ZC3HAV1: variants seen among roughly 807,000 people sequenced by gnomAD.
ZC3HAV1 encodes the protein zinc finger CCCH-type antiviral protein 1.
In ZC3HAV1, 41 loss-of-function variants were observed where a neutral mutation model predicts 86.6. The observed-to-expected ratio is 0.47, with a 90% CI of 0.37 to 0.61. The LOEUF is 0.61. ZC3HAV1 is among the 20% of genes least tolerant of loss of function. The probability of loss-of-function intolerance (pLI) is 0.00; values close to 1 mark genes in which losing one functional copy is unlikely to be tolerated. For missense variants in ZC3HAV1, 964 were observed against 1,141.1 expected (o/e 0.84, Z 2.24); for synonymous variants, 421 against 432.1 (o/e 0.97, Z 0.32).
At chr7:139,048,004 C>G (rs1403442109) in intron 12 of ZC3HAV1, 151 bp from the exon 13 acceptor site, 4 of 778,050 alleles carry the variant, frequency 5.1e-6, no homozygotes, top group Admixed American at 5.8e-5. Flanking sequence ...CACTTAAAAA[C>G]ATGTTAATGA....
chr7:139,061,055 G>C lies in ZC3HAV1; in HGVS notation c.2077C>G (p.Gln693Glu), dbSNP rs372154163. ...PTFVPQWYVQ[Q>E]MKRGPDHQPA... Reference sequence around the variant, plus strand: ...ACTTACTCTGGCCCTCTCTTCATCTGCTGCACATACCACTGAGGCACAAAT... The same window carrying C: ...ACTTACTCTGGCCCTCTCTTCATCTCCTGCACATACCACTGAGGCACAAAT... The change falls in exon 9 of 13, where the codon CAG (glutamine) becomes GAG (glutamate). Residue 693 changes from glutamine to glutamate, a missense_variant. Gln to Glu is a conservative substitution (Grantham distance 29). Coordinates refer to ENST00000242351, the MANE Select transcript of ZC3HAV1 (RefSeq NM_020119.4). 208 of 1,613,646 alleles carry C rather than the reference G, an allele frequency of 1.3e-4. 1 individual carries two copies. In the South Asian group the frequency reaches 2.1e-3, roughly 16 times the overall value.
intron 1 of ZC3HAV1, among the ~76,000 whole-genome samples, chr7:139,097,198 A>G (rs1817615676): frequency 6.7e-6 from 1 of 150,026 alleles, no homozygotes; most frequent in Non-Finnish European, 1.5e-5. Flanking sequence ...ATAAATGAAT[A>G]AAAATGCAGA....
At chr7:139,105,655 T>C (rs1339330269) in intron 1 of ZC3HAV1, among the ~76,000 whole-genome samples, 1 of 152,140 alleles carries the variant, frequency 6.6e-6, no homozygotes, top group Non-Finnish European at 1.5e-5. Context: ...TAAATAATAG[T>C]ACCACAGACA....
At chr7:139,082,944 T>G (rs1817167946) in intron 3 of ZC3HAV1, among the ~76,000 whole-genome samples, 1 of 152,128 alleles carries the variant, frequency 6.6e-6, no homozygotes, top group African/African-American at 2.4e-5. Context: ...CAATAATAAA[T>G]TTTCTGTATT....
At chr7:139,065,574 A>G (rs1004937215) in intron 7 of ZC3HAV1, among the ~76,000 whole-genome samples, 5 of 152,112 alleles carry the variant, frequency 3.3e-5, no homozygotes, top group African/African-American at 4.8e-5. Flanking sequence ...ACTAACTGAA[A>G]ATGCACTTGG....
At position 139,083,850 on chromosome 7, in the gene ZC3HAV1, G is replaced by A. The variant is rs764650728; in HGVS notation, c.627C>T (p.Pro209=). The change falls in exon 3 of 13, where the codon CCC becomes CCT. Residue 209 remains proline, a synonymous_variant. Transcript: ENST00000242351. ...TGTCCTGGATGTTCTGGACCACGTC[G>A]GGGTTCAGCCCGTGCTCCCTCATGA... The part of the protein sequence containing the change: ...LAIMREHGLN[P]DVVQNIQDIC... 2.7e-5 allele frequency: 43 copies of A among 1,613,972 alleles called. No homozygotes were observed. Among genetic ancestry groups the A allele is most frequent in the Admixed American group, 5.0e-5 (3 of 59,984 alleles).
intron 7 of ZC3HAV1, among the ~76,000 whole-genome samples, chr7:139,067,571 G>A (rs1816642209): frequency 6.6e-6 from 1 of 152,172 alleles, no homozygotes; most frequent in Admixed American, 6.5e-5. Flanking sequence ...AGGGCAGGTT[G>A]GGAGGGGAGT....
chr7:139,084,038 G>A lies in ZC3HAV1; in HGVS notation c.445-6C>T. The A allele has an allele frequency of 6.2e-7, 1 of 1,608,874 alleles. No homozygotes were observed. The highest frequency in any genetic ancestry group is 1.1e-5 in the South Asian group (1 of 91,012). On this transcript the variant is annotated splice_region_variant and splice_polypyrimidine_tract_variant and intron_variant, in intron 2 of 12. Coordinates refer to ENST00000242351, the MANE Select transcript of ZC3HAV1 (RefSeq NM_020119.4). Reference sequence around the variant, plus strand: ...CCCTTATAACTTTTGCATATCTACAGAAGGGAGAAACAACAGCCAGAGTCA... The same window carrying A: ...CCCTTATAACTTTTGCATATCTACAAAAGGGAGAAACAACAGCCAGAGTCA...
rs1563140696 is a variant in ZC3HAV1, at chr7:139,097,434, T to TTTTTTATTTTTTTTTA, written c.309-7676_309-7675insTAAAAAAAAATAAAAA. ...TATATATATATATATATATATTTTTTTTTTTTTTTTTTTTCTTTGAGATGG... is the reference window on the plus strand; with the variant it reads ...TATATATATATATATATATATTTTTTTTTTTATTTTTTTTTATTTTTTTTTTTTTTCTTTGAGATGG... On this transcript the variant is annotated intron_variant, in intron 1 of 12. Coordinates refer to ENST00000242351, the MANE Select transcript of ZC3HAV1 (RefSeq NM_020119.4). Among the ~76,000 whole-genome samples, 54 of 105,734 alleles carry TTTTTTATTTTTTTTTA rather than the reference T, an allele frequency of 5.1e-4. 1 individual carries two copies. Among genetic ancestry groups the TTTTTTATTTTTTTTTA allele is most frequent in the African/African-American group, 2.3e-3 (50 of 22,032 alleles). 69.4% of individuals were successfully genotyped at this position (105,734 alleles called of 152,430 possible). A position where few individuals can be genotyped will look rare whatever the true frequency, so the allele number is the denominator to read the frequency against.
intron 1 of ZC3HAV1, among the ~76,000 whole-genome samples, chr7:139,101,736 G>A (rs1437215824): frequency 6.6e-6 from 1 of 151,248 alleles, no homozygotes; most frequent in Admixed American, 6.6e-5. Flanking sequence ...TGAAACATGT[G>A]CTGTGTCCAC....
chr7:139,053,009 A>C (rs571730020), intron 12 of ZC3HAV1, among the ~76,000 whole-genome samples: 1 of 152,274 alleles, frequency 6.6e-6, no homozygotes, highest in African/African-American at 2.4e-5. Context: ...GTGACACTTC[A>C]GACCGAGGTG....
Position 139,109,263 on chromosome 7 carries a change from C to T in ZC3HAV1, c.69G>A (p.Leu23=), listed in dbSNP as rs1818035146. 1 of 1,611,968 alleles carries T rather than the reference C, an allele frequency of 6.2e-7. No homozygotes were observed. The highest frequency in any genetic ancestry group is 8.5e-7 in the Non-Finnish European group (1 of 1,179,494). Residue 23 remains leucine (L), a synonymous_variant, in exon 1 of 13, where the codon CTG becomes CTA. Coordinates refer to ENST00000242351, the MANE Select transcript of ZC3HAV1 (RefSeq NM_020119.4). ...ILCAHGGRMA[L]DALLQEIALS... ...GCGCGATCTCCTGGAGCAGCGCGTCCAGGGCCATGCGGCCCCCGTGGGCGC... is the reference window on the plus strand; with the variant it reads ...GCGCGATCTCCTGGAGCAGCGCGTCTAGGGCCATGCGGCCCCCGTGGGCGC...
At chr7:139,100,920 C>T (rs1223998193) in intron 1 of ZC3HAV1, among the ~76,000 whole-genome samples, 1 of 152,210 alleles carries the variant, frequency 6.6e-6, no homozygotes, top group Non-Finnish European at 1.5e-5. Context: ...CTGCTGCCAT[C>T]TCGGCTCACT....
At position 139,109,223 on chromosome 7, in the gene ZC3HAV1, G is replaced by T. The variant is rs557413442; in HGVS notation, c.109C>A (p.Leu37Ile). The stretch of plus-strand genomic sequence containing the variant: ...CCGGCCACCTGCAGCACCTCACAGA[G>T]CTGCGGCTCAGACAGCGCGATCTCC... ...LQEIALSEPQ[L>I]CEVLQVAGPD... Residue 37 changes from leucine (L) to isoleucine (I), a missense_variant, in exon 1 of 13, where the codon CTC (leucine) becomes ATC (isoleucine). Transcript: ENST00000242351. 1.2e-6 allele frequency: 2 copies of T among 1,610,748 alleles called. No homozygotes were observed. The highest frequency in any genetic ancestry group is 3.4e-5 in the Admixed American group (2 of 59,648).
intron 2 of ZC3HAV1, among the ~76,000 whole-genome samples, chr7:139,088,568 G>A (rs915897582): frequency 2.0e-5 from 3 of 152,176 alleles, no homozygotes; most frequent in Non-Finnish European, 4.4e-5. Flanking sequence ...TAACAGAGCT[G>A]ACCTACTGAC....
At position 139,050,907 on chromosome 7, in the gene ZC3HAV1, G is replaced by A. The variant is rs1427801811; in HGVS notation, c.2449+2544C>T. Among the ~76,000 whole-genome samples, 5 of 152,084 alleles carry A rather than the reference G, an allele frequency of 3.3e-5. No homozygotes were observed. In the South Asian group the frequency reaches 6.2e-4, roughly 19 times the overall value. On this transcript the variant is annotated intron_variant, in intron 12 of 12. Coordinates refer to ENST00000242351, the MANE Select transcript of ZC3HAV1 (RefSeq NM_020119.4). ...AAAACCTTTCATTAGTTTCCCATGC[G>A]CTTACAGTCAAGTTTAGCTCTTTAT...
intron 7 of ZC3HAV1, among the ~76,000 whole-genome samples, chr7:139,068,534 A>C (rs1816673756): frequency 6.6e-6 from 1 of 152,186 alleles, no homozygotes; most frequent in Admixed American, 6.5e-5. Flanking sequence ...GCTATACAGC[A>C]CTGAAAATGT....
At chr7:139,103,122 C>G (rs1268731092) in intron 1 of ZC3HAV1, among the ~76,000 whole-genome samples, 1 of 150,874 alleles carries the variant, frequency 6.6e-6, no homozygotes, top group Non-Finnish European at 1.5e-5. Flanking sequence ...TCACTGTAAC[C>G]TCAAAATTCC....
intron 1 of ZC3HAV1, among the ~76,000 whole-genome samples, chr7:139,099,253 A>G (rs574605826): frequency 3.3e-5 from 5 of 152,292 alleles, no homozygotes; most frequent in African/African-American, 9.6e-5. Flanking sequence ...TTGTGTCACG[A>G]TGTTGCAGAA....
Sources: allele counts gnomAD v4.1 joint callset (sites outside exome capture counted in the v4.1 genomes callset), GRCh38; gene constraint gnomAD v4.1.1; transcripts MANE v1.5; gene names NCBI Gene and HGNC (gene_info 2026-07-23, HGNC 2026-07-21).